DLGAP2: variants seen among roughly 807,000 people sequenced by gnomAD.
The protein encoded by DLGAP2 is disks large-associated protein 2.
A neutral mutation model predicts 100.3 loss-of-function variants in DLGAP2; 26 were observed. The ratio of observed to expected loss-of-function variants is 0.26; its 90% confidence interval spans 0.19 to 0.36. The LOEUF is 0.36. Ranked by LOEUF, DLGAP2 falls within the 10% of genes least tolerant of loss-of-function variation. The pLI, the probability that DLGAP2 is intolerant of heterozygous loss-of-function variation, is 1.00. For synonymous variants in DLGAP2, 886 were observed against 630.1 expected (o/e 1.41, Z -6.08); for missense variants, 1,858 against 1,453.2 (o/e 1.28, Z -4.53).
chr8:741,301 C>A (rs540274341), intron 1 of DLGAP2, among the ~76,000 whole-genome samples: 23 of 152,324 alleles, frequency 1.5e-4, no homozygotes, highest in Admixed American at 7.8e-4. Flanking sequence ...CCTTTCCCTT[C>A]CAAGGCTTAA....
At chr8:789,468 C>T (rs1821967423) in intron 1 of DLGAP2, among the ~76,000 whole-genome samples, 1 of 152,200 alleles carries the variant, frequency 6.6e-6, no homozygotes, top group Non-Finnish European at 1.5e-5. Context: ...CAGTTACCCC[C>T]CACCAGGCCC....
At chr8:1,052,441 A>T (rs1395273507) in intron 2 of DLGAP2, among the ~76,000 whole-genome samples, 2 of 152,212 alleles carry the variant, frequency 1.3e-5, no homozygotes, top group Non-Finnish European at 2.9e-5. Flanking sequence ...TACACTAGGA[A>T]TGGGGAAATT....
At chr8:1,669,697 G>A (rs751152498) in intron 9 of DLGAP2, 46 bp from the exon 10 acceptor site, 1 of 780,582 alleles carries the variant, frequency 1.3e-6, no homozygotes, top group African/African-American at 1.7e-5. Context: ...CTGGTCCAGG[G>A]CCTCCGAACC....
chr8:1,642,184 C>G (rs370871003), intron 8 of DLGAP2, among the ~76,000 whole-genome samples: 10 of 19,770 alleles, frequency 5.1e-4, no homozygotes, highest in Non-Finnish European at 7.2e-4. Context: ...TGTCACCCTC[C>G]AACCCGCCGG....
intron 4 of DLGAP2, among the ~76,000 whole-genome samples, chr8:1,519,569 T>G (rs543153152): frequency 1.3e-5 from 2 of 152,366 alleles, no homozygotes; most frequent in South Asian, 2.1e-4. Flanking sequence ...CTGATCCCCT[T>G]GTTTAACGGT....
intron 3 of DLGAP2, among the ~76,000 whole-genome samples, chr8:1,456,018 C>T (rs1295317878): frequency 6.6e-6 from 1 of 152,190 alleles, no homozygotes; most frequent in Non-Finnish European, 1.5e-5. Flanking sequence ...TGCACACCAG[C>T]CCGATGGCCG....
chr8:1,047,352 C>G (rs372915458), intron 2 of DLGAP2, among the ~76,000 whole-genome samples: 1 of 152,136 alleles, frequency 6.6e-6, no homozygotes, highest in Non-Finnish European at 1.5e-5. Context: ...CGAAGTCTTT[C>G]GGATTTTGGA....
chr8:1,665,182 C>T (rs1382403149), intron 8 of DLGAP2, among the ~76,000 whole-genome samples: 1 of 151,912 alleles, frequency 6.6e-6, no homozygotes, highest in Non-Finnish European at 1.5e-5. Flanking sequence ...ATATTCCATA[C>T]AAGAAGGAAG....
intron 2 of DLGAP2, among the ~76,000 whole-genome samples, chr8:1,252,072 CGTGT>C (rs1563040705): frequency 1.2e-4 from 17 of 138,216 alleles, no homozygotes; most frequent in African/African-American, 5.0e-4. Flanking sequence ...ACTGTGTTGT[CGTGT>C]GGGTGTGTTG....
chr8:1,392,882 CG>C (rs1265784548), intron 3 of DLGAP2, among the ~76,000 whole-genome samples: 128 of 141,258 alleles, frequency 9.1e-4, no homozygotes, highest in South Asian at 2.7e-3. Context: ...TTAAATGTGA[CG>C]TTTCTGTTTT....
At chr8:841,353 T>G (rs1796980698) in intron 1 of DLGAP2, among the ~76,000 whole-genome samples, 2 of 152,220 alleles carry the variant, frequency 1.3e-5, no homozygotes, top group Admixed American at 1.3e-4. Context: ...AGTGGGGGCC[T>G]CTTCACTTGG....
At chr8:1,335,040 GC>G (rs1801243421) in intron 3 of DLGAP2, among the ~76,000 whole-genome samples, 1 of 152,190 alleles carries the variant, frequency 6.6e-6, no homozygotes, top group South Asian at 2.1e-4. Flanking sequence ...AGCTGTTGCT[GC>G]ATTGTCTAGA....
chr8:1,171,714 T>C (rs1458441713), intron 2 of DLGAP2, among the ~76,000 whole-genome samples: 1 of 151,962 alleles, frequency 6.6e-6, no homozygotes, highest in Non-Finnish European at 1.5e-5. Context: ...ACCCCTGCCT[T>C]TTTTTGTTTT....
chr8:866,132 G>T lies in DLGAP2; in HGVS notation c.19-41780G>T, dbSNP rs541637755. 1.1e-4 allele frequency among the ~76,000 whole-genome samples: 17 copies of T among 152,214 alleles called. No individual in the cohort carries two copies. The South Asian group carries it at 3.5e-3, about 32-fold the overall frequency. On this transcript the variant is annotated intron_variant, in intron 1 of 14. Transcript: ENST00000637795. ...AGTGGCGGGCAGAGTCCTCTGCTCTGTGTGTCCTGCAGCACGGTTGGCCGG... is the reference window on the plus strand; with the variant it reads ...AGTGGCGGGCAGAGTCCTCTGCTCTTTGTGTCCTGCAGCACGGTTGGCCGG...
At chr8:1,622,989 C>T (rs1338183875) in intron 6 of DLGAP2, among the ~76,000 whole-genome samples, 2 of 152,184 alleles carry the variant, frequency 1.3e-5, no homozygotes, top group African/African-American at 4.8e-5. Context: ...CCCCCTAGTC[C>T]TAGTTCTTGA....
chr8:1,506,080 C>G (rs1286727979), intron 4 of DLGAP2, among the ~76,000 whole-genome samples: 1 of 152,184 alleles, frequency 6.6e-6, no homozygotes, highest in Admixed American at 6.5e-5. Flanking sequence ...CTGGCAGGCA[C>G]ATAGATTGTG....
At chr8:1,211,268 G>A (rs1798099116) in intron 2 of DLGAP2, among the ~76,000 whole-genome samples, 1 of 152,186 alleles carries the variant, frequency 6.6e-6, no homozygotes. Context: ...GCAAACACAG[G>A]GTGGCCGTGG....
intron 2 of DLGAP2, among the ~76,000 whole-genome samples, chr8:1,040,497 TCTCGGTGTGCGTGGTTGG>T (rs1563159731): frequency 2.0e-5 from 1 of 48,978 alleles, no homozygotes; most frequent in African/African-American, 8.0e-5. Context: ...TCCGTGGTCG[TCTCGGTGTGCGTGGTTGG>T]CTCGGTTTCC....
intron 6 of DLGAP2, among the ~76,000 whole-genome samples, chr8:1,577,719 C>T (rs929994396): frequency 4.6e-5 from 7 of 152,114 alleles, no homozygotes; most frequent in African/African-American, 1.2e-4. Context: ...AAGAGCAGCC[C>T]GGGGCCAGGG....
Sources: gnomAD v4.1 joint callset for allele counts (sites outside exome capture counted in the v4.1 genomes callset) on GRCh38, gnomAD v4.1.1 for gene constraint, MANE v1.5 for transcripts, NCBI Gene and HGNC (gene_info 2026-07-23, HGNC 2026-07-21) for gene names.